The following FBXO17 variants were observed in gnomAD, a reference collection of about 807,000 sequenced individuals.
FBXO17 encodes F-box only protein 17.
A neutral mutation model predicts 34.1 loss-of-function variants in FBXO17; 43 were observed. The observed-to-expected ratio is 1.26, with a 90% CI of 0.99 to 1.62. The LOEUF (loss-of-function observed/expected upper bound fraction) is 1.62. Among genes scored for constraint, FBXO17 ranks in the 40% most tolerant of loss-of-function variants. The pLI, the probability that FBXO17 is intolerant of heterozygous loss-of-function variation, is 0.00. For missense variants in FBXO17, 424 were observed against 386.7 expected, an observed-to-expected ratio of 1.10 and a Z score of -0.81; for synonymous variants, 169 against 166.0, an observed-to-expected ratio of 1.02 and a Z score of -0.14.
intron 1 of FBXO17, among the ~76,000 whole-genome samples, chr19:38,957,386 GC>G (rs1366779703): frequency 5.3e-5 from 8 of 151,834 alleles, no homozygotes; most frequent in Admixed American, 3.9e-4. Flanking sequence ...TCACTCTGTC[GC>G]CCAGGCTGGA....
Position 38,941,709 on chromosome 19 carries a change from C to T in FBXO17, c.*899G>A, listed in dbSNP as rs1479941382. The T allele has an allele frequency of 6.6e-6, 1 of 152,174 alleles. No individual in the cohort carries two copies. Among genetic ancestry groups the T allele is most frequent in the Non-Finnish European group, 1.5e-5 (1 of 68,044 alleles). The allele number at this position is 152,174 out of a possible 1,614,324, so 9.4% of individuals were successfully genotyped here. A position where few individuals can be genotyped will look rare whatever the true frequency, so the allele number is the denominator to read the frequency against. ...GGCCAGGTGTTCCTCGCCCTCGTTC[C>T]AGTAAACCCACAACCTTCAGGGTGG... On this transcript the variant is annotated 3_prime_UTR_variant, in exon 6 of 6. Coordinates refer to ENST00000292852, the MANE Select transcript of FBXO17 (RefSeq NM_024907.7).
At chr19:38,953,875 G>A (rs541655621) in intron 1 of FBXO17, among the ~76,000 whole-genome samples, 20 of 152,162 alleles carry the variant, frequency 1.3e-4, no homozygotes, top group African/African-American at 4.8e-4. Context: ...GGGCAAGGGT[G>A]CAGGTAGGTG....
At position 38,949,956 on chromosome 19, in the gene FBXO17, G is replaced by T; in HGVS notation, c.349+15C>A. ...GGCCCCCCTCAGCCTCCTGGGCCCC[G>T]CCCCCGTCACCCACGCTCTCCGCAG... On this transcript the variant is annotated intron_variant, in intron 2 of 5. Coordinates refer to ENST00000292852, the MANE Select transcript of FBXO17 (RefSeq NM_024907.7). 1.4e-6 allele frequency: 2 copies of T among 1,383,850 alleles called. No individual in the cohort carries two copies. Among genetic ancestry groups the T allele is most frequent in the Non-Finnish European group, 9.5e-7 (1 of 1,057,802 alleles). 85.7% of individuals were successfully genotyped at this position (1,383,850 alleles called of 1,614,324 possible). A position where few individuals can be genotyped will look rare whatever the true frequency, so the allele number is the denominator to read the frequency against.
At position 38,949,979 on chromosome 19, in the gene FBXO17, C is replaced by T. The variant is rs1412956222; in HGVS notation, c.341G>A (p.Cys114Tyr). The change falls in exon 2 of 6, where the codon TGC (cysteine) becomes TAC (tyrosine). Residue 114 changes from cysteine (C) to tyrosine (Y), a missense_variant. Physicochemically the swap from Cys to Tyr is radical, Grantham distance 194. Coordinates refer to ENST00000292852, the MANE Select transcript of FBXO17 (RefSeq NM_024907.7). ...PFGRNLIFNS[C>Y]GEQGFRGWEV... ...CCGCCCCCGTCACCCACGCTCTCCG[C>T]AGGAGTTGAAGATGAGATTGCGGCC... 6.5e-7 allele frequency: 1 copy of T among 1,543,670 alleles called. No homozygotes were observed. The highest frequency in any genetic ancestry group is 1.4e-5 in the African/African-American group (1 of 72,416).
intron 2 of FBXO17, among the ~76,000 whole-genome samples, chr19:38,949,151 G>T (rs929817152): frequency 1.3e-5 from 2 of 152,014 alleles, no homozygotes; most frequent in Non-Finnish European, 2.9e-5. Flanking sequence ...GCCCAGGCTG[G>T]AGTGCAATGG....
At position 38,975,053 on chromosome 19, in the gene FBXO17, A is replaced by G. The variant is rs1384730605; in HGVS notation, c.-18+533T>C. 6.6e-6 allele frequency among the ~76,000 whole-genome samples: 1 copy of G among 152,236 alleles called. No homozygotes were observed. The highest frequency in any genetic ancestry group is 1.5e-5 in the Non-Finnish European group (1 of 68,030). On this transcript the variant is annotated intron_variant, in intron 1 of 5. Transcript: ENST00000292852. The surrounding 1 kb of genome is among the most constrained non-coding windows in gnomAD (Gnocchi z 4.9). ...CGAACATATCACTGAACATTGCAAA[A>G]GTAACTTGGCAGAACAAAATTTAAA... is the stretch of plus-strand genomic sequence containing the variant.
chr19:38,959,825 G>A (rs562945508), intron 1 of FBXO17, among the ~76,000 whole-genome samples: 4 of 152,224 alleles, frequency 2.6e-5, no homozygotes, highest in Non-Finnish European at 4.4e-5. Flanking sequence ...GTGGCCAGGA[G>A]TTCAAGGGTA....
At position 38,950,290 on chromosome 19, in the gene FBXO17, C is replaced by A; in HGVS notation, c.30G>T (p.Leu10=). Residue 10 remains leucine, a synonymous_variant, in exon 2 of 6, where the codon CTG becomes CTT. Transcript: ENST00000292852. ...CCAGGGCCAGGGATGGGTCCGCCGG[C>A]AGCCGTCGCCGCGATAGCCGGGCGC... MGARLSRRR[L]PADPSLALDA... is the part of the protein sequence containing the mutation. 6.9e-7 allele frequency: 1 copy of A among 1,439,206 alleles called. No homozygotes were observed. Among genetic ancestry groups the A allele is most frequent in the East Asian group, 2.8e-5 (1 of 35,796 alleles). 89.2% of individuals were successfully genotyped at this position (1,439,206 alleles called of 1,614,324 possible).
intron 1 of FBXO17, among the ~76,000 whole-genome samples, chr19:38,969,013 T>C (rs900827326): frequency 6.6e-6 from 1 of 152,094 alleles, no homozygotes; most frequent in African/African-American, 2.4e-5. Context: ...TTGTCCACTT[T>C]AACAGGGCTG....
intron 1 of FBXO17, among the ~76,000 whole-genome samples, chr19:38,970,339 C>G (rs1975376261): frequency 6.6e-6 from 1 of 152,004 alleles, no homozygotes; most frequent in Admixed American, 6.6e-5. Context: ...TCTTCTGGAC[C>G]TGGGACCACA....
chr19:38,951,993 C>T (rs1455265601), intron 1 of FBXO17, among the ~76,000 whole-genome samples: 1 of 150,912 alleles, frequency 6.6e-6, no homozygotes, highest in Non-Finnish European at 1.5e-5. Flanking sequence ...CTCTGTTGCC[C>T]AGGCTGGAGT....
intron 1 of FBXO17, among the ~76,000 whole-genome samples, chr19:38,951,653 ATTT>A (rs578199067): frequency 2.3e-5 from 3 of 129,282 alleles, no homozygotes; most frequent in Admixed American, 7.9e-5. Context: ...TTGGCTTTCT[ATTT>A]TTTTTTTTTT....
chr19:38,949,963 T>C lies in FBXO17; in HGVS notation c.349+8A>G, dbSNP rs1263354635. On this transcript the variant is annotated splice_region_variant and intron_variant, in intron 2 of 5. Transcript: ENST00000292852. ...CTCAGCCTCCTGGGCCCCGCCCCCG[T>C]CACCCACGCTCTCCGCAGGAGTTGA... 3 of 1,518,996 alleles carry C rather than the reference T, an allele frequency of 2.0e-6. No individual in the cohort carries two copies. The highest frequency in any genetic ancestry group is 1.7e-4 in the Middle Eastern group (1 of 5,870). The allele number at this position is 1,518,996 out of a possible 1,614,324, so 94.1% of individuals were successfully genotyped here.
intron 1 of FBXO17, among the ~76,000 whole-genome samples, chr19:38,956,204 T>C (rs1975165115): frequency 1.3e-5 from 2 of 150,230 alleles, no homozygotes; most frequent in South Asian, 4.2e-4. Context: ...AGGTGGAGGT[T>C]GCAGTGAGCT....
At chr19:38,958,406 CAAAAAAA>C (rs61007658) in intron 1 of FBXO17, among the ~76,000 whole-genome samples, 1 of 98,726 alleles carries the variant, frequency 1.0e-5, no homozygotes, top group Admixed American at 1.3e-4. Context: ...GAAACTGTCT[CAAAAAAA>C]AAAAAAAAAA....
rs188160495 is a variant in FBXO17, at chr19:38,949,729, C to T, written c.349+242G>A. On this transcript the variant is annotated intron_variant, in intron 2 of 5. Transcript: ENST00000292852. ...CTCTGCATACCAAACTACTTGCTTTCTCCCCCGGCCCAGCCAGGGTCTTCC... is the reference window on the plus strand; with the variant it reads ...CTCTGCATACCAAACTACTTGCTTTTTCCCCCGGCCCAGCCAGGGTCTTCC... The T allele has an allele frequency of 2.9e-3, 1,668 of 581,882 alleles. 18 individuals carry two copies. In the African/African-American group the frequency reaches 0.029, roughly 10 times the overall value. 36.0% of individuals were successfully genotyped at this position (581,882 alleles called of 1,614,324 possible).
rs950824942 is a variant in FBXO17, at chr19:38,975,553, C to T, written c.-18+33G>A. The T allele has an allele frequency of 1.3e-5, 2 of 152,112 alleles. No homozygotes were observed. Among genetic ancestry groups the T allele is most frequent in the Admixed American group, 6.6e-5 (1 of 15,264 alleles). The allele number at this position is 152,112 out of a possible 1,614,324, so 9.4% of individuals were successfully genotyped here. A position where few individuals can be genotyped will look rare whatever the true frequency, so the allele number is the denominator to read the frequency against. On this transcript the variant is annotated intron_variant, in intron 1 of 5. Transcript: ENST00000292852. The surrounding 1 kb of genome is among the most constrained non-coding windows in gnomAD (Gnocchi z 4.9). ...GAGAACGGGACTGACGCTTGGGTCCCGACCTGGGTCCCCTACCTGTCCCGG... is the reference window on the plus strand; with the variant it reads ...GAGAACGGGACTGACGCTTGGGTCCTGACCTGGGTCCCCTACCTGTCCCGG...
intron 3 of FBXO17, chr19:38,946,983 T>C (rs1974994327): frequency 5.3e-6 from 1 of 187,062 alleles, no homozygotes; most frequent in Non-Finnish European, 1.1e-5. Context: ...CGGCAGGGGA[T>C]GGAAGTGAAA....
chr19:38,948,577 T>C lies in FBXO17; in HGVS notation c.451A>G (p.Thr151Ala), dbSNP rs1451999892. The C allele has an allele frequency of 5.6e-6, 9 of 1,613,580 alleles. No individual in the cohort carries two copies. Among genetic ancestry groups the C allele is most frequent in the Non-Finnish European group, 7.6e-6 (9 of 1,179,738 alleles). ...PGAPSQTCFV[T>A]SFEWCSKRQL... ...ACTTGGGCCACTCACTCGAAAGAGG[T>C]CACGAAGCAGGTCTGCGAAGGAGCC... Residue 151 changes from threonine to alanine, a missense_variant, in exon 3 of 6, where the codon ACC becomes GCC. Physicochemically the swap from Thr to Ala is moderately conservative, Grantham distance 58 (BLOSUM62 0). Coordinates refer to ENST00000292852, the MANE Select transcript of FBXO17 (RefSeq NM_024907.7).
Sources: allele counts gnomAD v4.1 joint callset (sites outside exome capture counted in the v4.1 genomes callset), GRCh38; gene constraint gnomAD v4.1.1; non-coding constraint Gnocchi (gnomAD v3.1); transcripts MANE v1.5; gene names NCBI Gene and HGNC (gene_info 2026-07-23, HGNC 2026-07-21).